The following BRD4 variants were observed in gnomAD, a reference collection of about 807,000 sequenced individuals.
The protein encoded by BRD4 is bromodomain-containing protein 4.
Under a neutral mutation model 142.1 loss-of-function variants are expected in BRD4, and 16 were observed. The ratio of observed to expected loss-of-function variants is 0.11; its 90% CI spans 0.08 to 0.17. The LOEUF (loss-of-function observed/expected upper bound fraction) is 0.17, where lower values mean the gene tolerates loss of function less well. Ranked by LOEUF, BRD4 falls within the 10% of genes least tolerant of loss-of-function variation. The pLI is 1.00. For synonymous variants in BRD4, 833 were observed against 707.5 expected, an observed-to-expected ratio of 1.18 and a Z score of -2.82; for missense variants, 1,424 against 1,810.9, an observed-to-expected ratio of 0.79 and a Z score of 3.88.
intron 11 of BRD4, chr19:15,246,533 T>C (rs1197261008): frequency 6.6e-6 from 1 of 151,150 alleles, no homozygotes; most frequent in African/African-American, 2.4e-5. Context: ...AGATATAGAG[T>C]TGAGGGAAAA....
chr19:15,252,390 A>G (rs1427831336), intron 11 of BRD4, among the ~76,000 whole-genome samples: 1 of 152,264 alleles, frequency 6.6e-6, no homozygotes, highest in Non-Finnish European at 1.5e-5. Context: ...TGAGAAGACT[A>G]CAAAACCCCT....
chr19:15,322,686 A>G (rs972559030), intron 1 of BRD4, among the ~76,000 whole-genome samples: 12 of 116,368 alleles, frequency 1.0e-4, no homozygotes, highest in African/African-American at 4.2e-4. Context: ...CCCCATCTCT[A>G]CTAAAAAATA....
intron 1 of BRD4, chr19:15,280,207 C>A (rs998546482): frequency 3.0e-6 from 3 of 992,220 alleles, no homozygotes; most frequent in South Asian, 9.4e-5. Flanking sequence ...GTTGGCTGGA[C>A]GTCATTTGGA....
chr19:15,237,258 GGT>G lies in BRD4; in HGVS notation c.*1117_*1118del, dbSNP rs1449246977. The G allele has an allele frequency of 3.0e-3, 320 of 106,612 alleles. 2 individuals are homozygous for G. The highest frequency in any genetic ancestry group is 9.3e-3 in the African/African-American group (215 of 23,012). The allele number at this position is 106,612 out of a possible 1,614,324, so 6.6% of individuals were successfully genotyped here. ...CCAACAAATGGGTGGGGGGGGGGGG[GGT>G]GGAGGGGAAAGAAAAGAAATTGTAG... On this transcript the variant is annotated 3_prime_UTR_variant, in exon 20 of 20. Coordinates refer to ENST00000679869, the MANE Select transcript of BRD4 (RefSeq NM_001379291.1).
intron 3 of BRD4, among the ~76,000 whole-genome samples, chr19:15,268,651 A>C (rs1401293749): frequency 6.6e-6 from 1 of 152,188 alleles, no homozygotes; most frequent in Non-Finnish European, 1.5e-5. Flanking sequence ...GGGCACCAGA[A>C]GCACATGCTT....
chr19:15,320,271 C>T (rs970317172), intron 1 of BRD4, among the ~76,000 whole-genome samples: 1 of 152,070 alleles, frequency 6.6e-6, no homozygotes, highest in Admixed American at 6.6e-5. Flanking sequence ...GAACTTAACA[C>T]TTGTTTTTGA....
Position 15,239,417 on chromosome 19 carries a change from G to T in BRD4, c.3551C>A (p.Pro1184Gln). ...CTTTTTGGGCGCAACTGGAGTCTTC[G>T]GCTCCTGTTTCTGTTTGTCCTTGTC... is the stretch of plus-strand genomic sequence containing the variant. ...APDKDKQKQE[P>Q]KTPVAPKKDL... Residue 1184 changes from proline to glutamine, a missense_variant, in exon 17 of 20, where the codon CCG becomes CAG. By Grantham distance (76) the Pro-to-Gln change is moderately conservative. This residue lies in a region of BRD4 where 49 missense variants were observed against 97.3 expected (regional missense o/e 0.50). Transcript: ENST00000679869. This position sits in a 1 kb window ranked among gnomAD's most constrained non-coding sequence, Gnocchi z 7.4. 6.2e-7 allele frequency: 1 copy of T among 1,614,172 alleles called. No individual in the cohort carries two copies.
chr19:15,251,805 C>A (rs914130584), intron 11 of BRD4, among the ~76,000 whole-genome samples: 29 of 152,330 alleles, frequency 1.9e-4, no homozygotes, highest in Non-Finnish European at 3.5e-4. Flanking sequence ...TCAGTGCACA[C>A]AGAAGGCAAA....
intron 1 of BRD4, among the ~76,000 whole-genome samples, chr19:15,289,579 AATC>A (rs2047765600): frequency 6.6e-6 from 1 of 151,994 alleles, no homozygotes; most frequent in South Asian, 2.1e-4. Context: ...AAATAAAATA[AATC>A]AGAAAATAGA....
intron 11 of BRD4, chr19:15,253,583 C>G: frequency 6.3e-7 from 1 of 1,583,754 alleles, no homozygotes; most frequent in Non-Finnish European, 8.5e-7. Flanking sequence ...CAGCAACGAG[C>G]ACACTCTGGG....
Position 15,265,585 on chromosome 19 carries a change from C to T in BRD4, c.618G>A (p.Pro206=), listed in dbSNP as rs201141485. The T allele has an allele frequency of 1.3e-5, 21 of 1,614,004 alleles. No homozygotes were observed. Among genetic ancestry groups the T allele is most frequent in the Admixed American group, 1.7e-5 (1 of 60,010 alleles). ...VPNTTQASTP[P]QTQTPQPNPP... is the part of the protein sequence containing the mutation. ...GATTCGGCTGAGGGGTCTGGGTCTG[C>T]GGAGGAGTCGATGCTTGAGTTGTGT... Residue 206 remains proline (P), a synonymous_variant, in exon 5 of 20, where the codon CCG becomes CCA. Transcript: ENST00000679869.
At chr19:15,321,028 GT>G (rs1177485728) in intron 1 of BRD4, among the ~76,000 whole-genome samples, 2 of 152,172 alleles carry the variant, frequency 1.3e-5, no homozygotes, top group Non-Finnish European at 2.9e-5. Context: ...GAGGTCAGGA[GT>G]TTGAGACCAG....
intron 1 of BRD4, among the ~76,000 whole-genome samples, chr19:15,331,585 A>G (rs2048159015): frequency 6.6e-6 from 1 of 152,174 alleles, no homozygotes; most frequent in Non-Finnish European, 1.5e-5. Context: ...GCCTGGCCTC[A>G]GACCGGCGTG....
chr19:15,313,773 G>A (rs1009341456), intron 1 of BRD4, among the ~76,000 whole-genome samples: 1 of 152,198 alleles, frequency 6.6e-6, no homozygotes, highest in Non-Finnish European at 1.5e-5. Context: ...CAAGCAGGCT[G>A]CATCACTTGC....
At chr19:15,242,438 C>A (rs1028575561) in intron 14 of BRD4, among the ~76,000 whole-genome samples, 1 of 152,178 alleles carries the variant, frequency 6.6e-6, no homozygotes, top group East Asian at 1.9e-4. Context: ...AGGTCCTGGG[C>A]GGGCTCTGAG....
chr19:15,321,269 A>G (rs1382032983), intron 1 of BRD4, among the ~76,000 whole-genome samples: 2 of 151,474 alleles, frequency 1.3e-5, no homozygotes, highest in Admixed American at 6.6e-5. Flanking sequence ...AAAACAAAGA[A>G]AAAAGAAAAA....
intron 1 of BRD4, among the ~76,000 whole-genome samples, chr19:15,278,241 A>G (rs1308457094): frequency 6.6e-6 from 1 of 151,890 alleles, no homozygotes; most frequent in East Asian, 1.9e-4. Context: ...ATCCTATTAG[A>G]AAGTAACTAT....
intron 2 of BRD4, among the ~76,000 whole-genome samples, chr19:15,271,107 G>A (rs1242441261): frequency 6.6e-6 from 1 of 152,086 alleles, no homozygotes; most frequent in African/African-American, 2.4e-5. Context: ...TGTCCCGCTG[G>A]CCAGCACTGT....
chr19:15,254,006 T>C (rs1359733284), intron 11 of BRD4, 146 bp downstream of exon 11: 1 of 746,298 alleles, frequency 1.3e-6, no homozygotes, highest in African/African-American at 1.7e-5. Flanking sequence ...AGGGAGACAG[T>C]TAACAAAGAG....
Sources: allele counts gnomAD v4.1 joint callset (sites outside exome capture counted in the v4.1 genomes callset), GRCh38; gene constraint gnomAD v4.1.1; regional missense constraint gnomAD v4.1.1; non-coding constraint Gnocchi (gnomAD v3.1); transcripts MANE v1.5; gene names NCBI Gene and HGNC (gene_info 2026-07-23, HGNC 2026-07-21).